The following PDE4B variants were observed in gnomAD, a reference collection of about 807,000 sequenced individuals.
PDE4B encodes the protein phosphodiesterase 4B, also known as 3',5'-cyclic-AMP phosphodiesterase 4B.
A neutral mutation model predicts 82.2 loss-of-function variants in PDE4B; 20 were observed. That is an observed-to-expected ratio of 0.24 (90% confidence interval 0.17 to 0.35). The LOEUF (loss-of-function observed/expected upper bound fraction) is 0.35, where lower values mean the gene tolerates loss of function less well. PDE4B is among the 10% of genes least tolerant of loss of function. The pLI, the probability that PDE4B is intolerant of heterozygous loss-of-function variation, is 1.00. For missense variants in PDE4B, 655 were observed against 907.2 expected, an observed-to-expected ratio of 0.72 and a Z score of 3.57; for synonymous variants, 320 against 318.9, an observed-to-expected ratio of 1.00 and a Z score of -0.04.
intron 3 of PDE4B, among the ~76,000 whole-genome samples, chr1:66,000,353 C>G (rs1326967816): frequency 1.3e-5 from 2 of 152,172 alleles, no homozygotes; most frequent in African/African-American, 2.4e-5. Context: ...AATATTAACT[C>G]TAGCAGCAGC....
chr1:65,993,477 G>GGTAGGTT (rs1239141622), intron 3 of PDE4B, among the ~76,000 whole-genome samples: 1 of 152,082 alleles, frequency 6.6e-6, no homozygotes, highest in Non-Finnish European at 1.5e-5. Context: ...GGTGGTAGGT[G>GGTAGGTT]ACTTTTTTGT....
intron 1 of PDE4B, among the ~76,000 whole-genome samples, chr1:65,821,517 A>T (rs11208758): frequency 6.6e-6 from 1 of 152,000 alleles, no homozygotes; most frequent in African/African-American, 2.4e-5. Flanking sequence ...GTCTTCCTAC[A>T]TATAGAAGTT....
At chr1:66,324,639 T>C (rs1222858439) in intron 7 of PDE4B, among the ~76,000 whole-genome samples, 2 of 152,214 alleles carry the variant, frequency 1.3e-5, no homozygotes, top group African/African-American at 2.4e-5. Context: ...TTCACTGTTA[T>C]TTCCCTTAAG....
At chr1:65,867,797 G>C (rs1646528236) in intron 1 of PDE4B, among the ~76,000 whole-genome samples, 2 of 152,158 alleles carry the variant, frequency 1.3e-5, no homozygotes, top group African/African-American at 4.8e-5. Context: ...ACTTCAGATA[G>C]AAGCAGATGC....
chr1:66,085,284 G>A (rs181379648), intron 3 of PDE4B, among the ~76,000 whole-genome samples: 2 of 152,258 alleles, frequency 1.3e-5, no homozygotes, highest in Admixed American at 1.3e-4. Flanking sequence ...GAACCTACAG[G>A]TTTGAGATAT....
intron 3 of PDE4B, among the ~76,000 whole-genome samples, chr1:66,050,310 C>A (rs1387279686): frequency 6.6e-6 from 1 of 151,838 alleles, no homozygotes. Context: ...AGGCTCTGTG[C>A]AGTATTGTTG....
chr1:66,163,254 A>G (rs1272113897), intron 3 of PDE4B, among the ~76,000 whole-genome samples: 2 of 152,206 alleles, frequency 1.3e-5, no homozygotes, highest in East Asian at 3.8e-4. Context: ...ACAGGGGGCA[A>G]TACCTTGCAT....
In PDE4B at chr1:65,817,182, C is replaced by T. The variant is rs150507095; in HGVS notation, c.-71+23934C>T. 5.0e-3 allele frequency among the ~76,000 whole-genome samples: 768 copies of T among 152,238 alleles called. 6 individuals carry two copies. Among genetic ancestry groups the T allele is most frequent in the East Asian group, 0.025 (130 of 5,182 alleles). The stretch of plus-strand genomic sequence containing the variant: ...ATCATAAGAGGGTGACAATCTCTCC[C>T]AGTTAAGTTAGGAGAGATTTATTCG... On this transcript the variant is annotated intron_variant, in intron 1 of 16. Transcript: ENST00000341517.
chr1:66,164,619 G>A (rs1199459945), intron 3 of PDE4B, among the ~76,000 whole-genome samples: 1 of 150,436 alleles, frequency 6.6e-6, no homozygotes, highest in Admixed American at 6.6e-5. Flanking sequence ...TCTATTATAG[G>A]CAGTAGGGCA....
chr1:65,837,823 G>A (rs1646158937), intron 1 of PDE4B, among the ~76,000 whole-genome samples: 1 of 151,940 alleles, frequency 6.6e-6, no homozygotes, highest in African/African-American at 2.4e-5. Context: ...AGAGAGAGAG[G>A]TCTGTTGTAC....
chr1:65,810,402 T>G (rs1259589665), intron 1 of PDE4B, among the ~76,000 whole-genome samples: 2 of 152,172 alleles, frequency 1.3e-5, no homozygotes, highest in Non-Finnish European at 2.9e-5. Flanking sequence ...TTATACTAAT[T>G]TTGAGGATGA....
intron 13 of PDE4B, among the ~76,000 whole-genome samples, chr1:66,366,805 G>A (rs1261976520): frequency 6.6e-6 from 1 of 152,192 alleles, no homozygotes; most frequent in Non-Finnish European, 1.5e-5. Flanking sequence ...TATAAAGCCT[G>A]CTTGTAGATC....
intron 6 of PDE4B, among the ~76,000 whole-genome samples, chr1:66,261,496 A>T (rs1344745997): frequency 6.6e-6 from 1 of 152,206 alleles, no homozygotes; most frequent in African/African-American, 2.4e-5. Flanking sequence ...CCTGCCTTGA[A>T]TGTAGCATTT....
At chr1:66,369,452 G>A (rs1357167435) in intron 16 of PDE4B, among the ~76,000 whole-genome samples, 2 of 152,212 alleles carry the variant, frequency 1.3e-5, no homozygotes, top group Non-Finnish European at 2.9e-5. Flanking sequence ...TCCCAAGGAT[G>A]CTTCTATGCT....
intron 3 of PDE4B, among the ~76,000 whole-genome samples, chr1:65,953,934 T>C (rs1649129207): frequency 6.6e-6 from 1 of 152,166 alleles, no homozygotes; most frequent in Admixed American, 6.5e-5. Context: ...AGTCTCGCTC[T>C]GTTGCCTAGG....
chr1:66,016,392 T>C (rs1652776606), intron 3 of PDE4B, among the ~76,000 whole-genome samples: 1 of 152,248 alleles, frequency 6.6e-6, no homozygotes, highest in South Asian at 2.1e-4. Context: ...TTCCACATAC[T>C]ACTTTTCTGC....
intron 3 of PDE4B, among the ~76,000 whole-genome samples, chr1:65,987,633 T>TG (rs1053859214): frequency 2.0e-5 from 3 of 152,152 alleles, no homozygotes; most frequent in African/African-American, 7.2e-5. Flanking sequence ...TTTTTTGAGA[T>TG]GGAGTCTCAC....
intron 7 of PDE4B, among the ~76,000 whole-genome samples, chr1:66,323,284 C>G (rs552976450): frequency 2.6e-4 from 39 of 152,246 alleles, no homozygotes; most frequent in Admixed American, 1.0e-3. Context: ...TCCCTTGACA[C>G]TTAATTCTTA....
chr1:66,109,415 A>C (rs755210864), intron 3 of PDE4B, among the ~76,000 whole-genome samples: 1 of 151,892 alleles, frequency 6.6e-6, no homozygotes, highest in Non-Finnish European at 1.5e-5. Flanking sequence ...ATGAAGGAGC[A>C]GTAAGGTTTG....
Sources: allele counts gnomAD v4.1 joint callset (sites outside exome capture counted in the v4.1 genomes callset), GRCh38; gene constraint gnomAD v4.1.1; transcripts MANE v1.5; gene names NCBI Gene and HGNC (gene_info 2026-07-23, HGNC 2026-07-21).